Variants in CACNA2D1 observed in about 807,000 individuals in gnomAD.
CACNA2D1 encodes calcium voltage-gated channel auxiliary subunit alpha2delta 1.
In CACNA2D1, 53 loss-of-function variants were observed where a neutral mutation model predicts 171.5. That is an observed-to-expected ratio of 0.31 (90% CI 0.25 to 0.39). CACNA2D1 has a LOEUF of 0.39. Among genes scored for constraint, CACNA2D1 ranks in the 10% least tolerant of loss-of-function variants. CACNA2D1 has a pLI of 1.00. For missense variants in CACNA2D1, 903 were observed against 1,299.8 expected (o/e 0.69, Z 4.69); for synonymous variants, 442 against 443.1 (o/e 1.00, Z 0.03).
At chr7:82,281,673 G>A (rs902084864) in intron 3 of CACNA2D1, among the ~76,000 whole-genome samples, 13 of 152,084 alleles carry the variant, frequency 8.5e-5, no homozygotes, top group African/African-American at 3.1e-4. Flanking sequence ...TAAGCATATA[G>A]CGGGATATGA....
chr7:82,376,811 C>T (rs1390801874), intron 1 of CACNA2D1, among the ~76,000 whole-genome samples: 15 of 152,132 alleles, frequency 9.9e-5, no homozygotes, highest in Non-Finnish European at 2.2e-4. Context: ...CAGCTTTATA[C>T]TTTTAAGAAA....
chr7:82,299,377 A>G, intron 3 of CACNA2D1, among the ~76,000 whole-genome samples: 1 of 151,632 alleles, frequency 6.6e-6, no homozygotes, highest in East Asian at 1.9e-4. Context: ...TTAGATGAGA[A>G]TGGCTGGGTG....
chr7:82,315,137 GCAA>G (rs906573547), intron 3 of CACNA2D1, among the ~76,000 whole-genome samples: 16 of 151,588 alleles, frequency 1.1e-4, no homozygotes, highest in Admixed American at 8.5e-4. Context: ...AACAACAACA[GCAA>G]CAACAACAAA....
Position 81,959,700 on chromosome 7 carries a change from G to A in CACNA2D1, c.3076+20C>T, listed in dbSNP as rs756959610. 2.5e-6 allele frequency: 4 copies of A among 1,606,804 alleles called. No homozygotes were observed. Among genetic ancestry groups the A allele is most frequent in the South Asian group, 1.1e-5 (1 of 90,664 alleles). On this transcript the variant is annotated intron_variant, in intron 37 of 38. Coordinates refer to ENST00000356860, the MANE Select transcript of CACNA2D1 (RefSeq NM_000722.4). Reference sequence around the variant, plus strand: ...TTAAGATGGTTTTCCTTTCCAGATAGCTCTGATGTCAAAGGATACAAGTCT... The same window carrying A: ...TTAAGATGGTTTTCCTTTCCAGATAACTCTGATGTCAAAGGATACAAGTCT...
At chr7:82,217,358 A>AAAT (rs1554466847) in intron 3 of CACNA2D1, among the ~76,000 whole-genome samples, 32 of 131,744 alleles carry the variant, frequency 2.4e-4, no homozygotes, top group Non-Finnish European at 4.6e-4. Context: ...TTAAAAAAAA[A>AAAT]ATATATATAT....
intron 7 of CACNA2D1, among the ~76,000 whole-genome samples, chr7:82,068,985 T>C (rs979343438): frequency 6.6e-6 from 1 of 152,162 alleles, no homozygotes; most frequent in South Asian, 2.1e-4. Flanking sequence ...AGGTGGTTTA[T>C]ATTTCAAAAT....
chr7:82,154,659 T>C (rs546540244), intron 4 of CACNA2D1, among the ~76,000 whole-genome samples: 1 of 152,226 alleles, frequency 6.6e-6, no homozygotes, highest in Admixed American at 6.5e-5. Context: ...AAGAAGAGTA[T>C]TGTACTGAAA....
chr7:82,186,649 T>C (rs965543198), intron 3 of CACNA2D1, among the ~76,000 whole-genome samples: 1 of 152,138 alleles, frequency 6.6e-6, no homozygotes, highest in Non-Finnish European at 1.5e-5. Flanking sequence ...TAAAAGTTTA[T>C]TATACACTAT....
intron 24 of CACNA2D1, among the ~76,000 whole-genome samples, chr7:81,979,221 C>T (rs1796191328): frequency 6.6e-6 from 1 of 151,840 alleles, no homozygotes; most frequent in Admixed American, 6.6e-5. Flanking sequence ...CAGATTTTCT[C>T]TTTATGATGA....
intron 11 of CACNA2D1, among the ~76,000 whole-genome samples, chr7:82,035,310 T>C (rs1303601590): frequency 2.0e-5 from 3 of 151,376 alleles, no homozygotes; most frequent in African/African-American, 7.3e-5. Context: ...ATTTAATACT[T>C]GCTTCAGTGA....
At chr7:82,135,185 G>C (rs1229168855) in intron 5 of CACNA2D1, among the ~76,000 whole-genome samples, 3 of 151,986 alleles carry the variant, frequency 2.0e-5, no homozygotes, top group Admixed American at 1.3e-4. Flanking sequence ...CTAAGGCTTT[G>C]TCATCGCTTT....
rs746506426 is a variant in CACNA2D1 at position 81,948,935 on chromosome 7, T to TA, written c.*1456dup. ...AACCATTTTCACCAATGAGGCTGTA[T>TA]AAAAAACAACTTTTATTATTCACAA... On this transcript the variant is annotated 3_prime_UTR_variant, in exon 39 of 39. Transcript: ENST00000356860. The TA allele has an allele frequency of 2.0e-5, 3 of 151,986 alleles. No individual in the cohort carries two copies. Among genetic ancestry groups the TA allele is most frequent in the Non-Finnish European group, 4.4e-5 (3 of 67,904 alleles). The allele number at this position is 151,986 out of a possible 1,614,324, so 9.4% of individuals were successfully genotyped here. A position where few individuals can be genotyped will look rare whatever the true frequency, so the allele number is the denominator to read the frequency against.
chr7:82,325,020 T>C (rs979386051), intron 3 of CACNA2D1, among the ~76,000 whole-genome samples: 2 of 152,188 alleles, frequency 1.3e-5, no homozygotes, highest in African/African-American at 4.8e-5. Context: ...ACTTGGCCTT[T>C]CGCTGTCAGC....
At chr7:82,394,262 C>T (rs1050941556) in intron 1 of CACNA2D1, among the ~76,000 whole-genome samples, 25 of 150,830 alleles carry the variant, frequency 1.7e-4, no homozygotes, top group African/African-American at 5.4e-4. Context: ...CTTTATAAAT[C>T]TTATAGAGCT....
intron 21 of CACNA2D1, among the ~76,000 whole-genome samples, chr7:81,988,869 AG>A (rs1797240977): frequency 3.3e-5 from 5 of 152,218 alleles, no homozygotes; most frequent in Admixed American, 2.6e-4. Context: ...GTGAGAGAAC[AG>A]ATGATAATCA....
In CACNA2D1 at chr7:82,066,457, T is replaced by G. The variant is rs1562992334; in HGVS notation, c.726A>C (p.Pro242=). ...KIDLYDVRRR[P]WYIQGAASPK... is the part of the protein sequence containing the mutation. Reference sequence around the variant, plus strand: ...CATGGCTAGCTAAAAATTCTTACCATGGTCTTCTGCGTACATCATAAAGGT... The same window carrying G: ...CATGGCTAGCTAAAAATTCTTACCAGGGTCTTCTGCGTACATCATAAAGGT... The change falls in exon 8 of 39, where the codon CCA becomes CCC. Residue 242 remains proline, a splice_region_variant and synonymous_variant. Coordinates refer to ENST00000356860, the MANE Select transcript of CACNA2D1 (RefSeq NM_000722.4). 1 of 1,611,072 alleles carries G rather than the reference T, an allele frequency of 6.2e-7. No individual in the cohort carries two copies. The highest frequency in any genetic ancestry group is 2.2e-5 in the East Asian group (1 of 44,666).
chr7:82,181,895 A>C, intron 3 of CACNA2D1, among the ~76,000 whole-genome samples: 1 of 152,328 alleles, frequency 6.6e-6, no homozygotes, highest in African/African-American at 2.4e-5. Context: ...CAAAATATGT[A>C]AAGTGACAGC....
At chr7:82,058,072 G>A (rs1401406727) in intron 10 of CACNA2D1, among the ~76,000 whole-genome samples, 2 of 152,062 alleles carry the variant, frequency 1.3e-5, no homozygotes, top group Admixed American at 6.6e-5. Context: ...CCACACACAG[G>A]GAAGGCTGCT....
intron 3 of CACNA2D1, among the ~76,000 whole-genome samples, chr7:82,278,906 G>A (rs1229906465): frequency 6.6e-6 from 1 of 152,172 alleles, no homozygotes; most frequent in Non-Finnish European, 1.5e-5. Flanking sequence ...CTGTTGAAAT[G>A]TCAACAGAAC....
Sources: allele counts gnomAD v4.1 joint callset (sites outside exome capture counted in the v4.1 genomes callset), GRCh38; gene constraint gnomAD v4.1.1; transcripts MANE v1.5; gene names NCBI Gene and HGNC (gene_info 2026-07-23, HGNC 2026-07-21).